The following GLB1L variants were observed in gnomAD, a reference collection of about 807,000 sequenced individuals.
GLB1L encodes the protein galactosidase beta 1 like, also known as beta-galactosidase-1-like protein.
GLB1L carries 58 observed loss-of-function variants against 75.7 expected under a neutral mutation model. The ratio of observed to expected loss-of-function variants is 0.77; its 90% CI spans 0.62 to 0.95. GLB1L has a LOEUF of 0.95. Ranked by LOEUF, GLB1L falls within the 40% of genes least tolerant of loss-of-function variation. The pLI, the probability that GLB1L is intolerant of heterozygous loss-of-function variation, is 0.00. For missense variants in GLB1L, 797 were observed against 805.5 expected (o/e 0.99, Z 0.13); for synonymous variants, 296 against 303.0 (o/e 0.98, Z 0.24).
At position 219,243,139 on chromosome 2, in the gene GLB1L, ACTT is replaced by A; in HGVS notation, c.239+6_239+8del. 7 of 1,586,608 alleles carry A rather than the reference ACTT, an allele frequency of 4.4e-6. No homozygotes were observed. Among genetic ancestry groups the A allele is most frequent in the Non-Finnish European group, 5.2e-6 (6 of 1,164,620 alleles). On this transcript the variant is annotated splice_donor_region_variant and intron_variant, in intron 3 of 16. Transcript: ENST00000295759. ...CCATCCCTCCGCGGCTCTTGCGAGC[ACTT>A]CTTACAACTGTATGGCGTTGAGGCC... is the stretch of plus-strand genomic sequence containing the variant.
In GLB1L at chr2:219,237,883, A is replaced by G; in HGVS notation, c.1416T>C (p.Asp472=). Reference sequence around the variant, plus strand: ...GCCTCCCCATGTTCTCCACCAAGATATCCAGTTTGGACCCCAGTTTCCCCG... The same window carrying G: ...GCCTCCCCATGTTCTCCACCAAGATGTCCAGTTTGGACCCCAGTTTCCCCG... The part of the protein sequence containing the change: ...FLTGKLGSKL[D]ILVENMGRLS... The change falls in exon 15 of 17, where the codon GAT becomes GAC. Residue 472 remains aspartate, a synonymous_variant. Coordinates refer to ENST00000295759, the MANE Select transcript of GLB1L (RefSeq NM_001286423.2). 1 of 1,614,200 alleles carries G rather than the reference A, an allele frequency of 6.2e-7. No homozygotes were observed. The highest frequency in any genetic ancestry group is 8.5e-7 in the Non-Finnish European group (1 of 1,180,022).
Position 219,241,496 on chromosome 2 carries a change from C to CGA in GLB1L, c.451+1016_451+1017dup, listed in dbSNP as rs544342913. Among the ~76,000 whole-genome samples, 3 of 96,544 alleles carry CGA rather than the reference C, an allele frequency of 3.1e-5. No homozygotes were observed. In the South Asian group the frequency reaches 1.0e-3, roughly 32 times the overall value. The allele number at this position is 96,544 out of a possible 152,430, so 63.3% of individuals were successfully genotyped here. A position where few individuals can be genotyped will look rare whatever the true frequency, so the allele number is the denominator to read the frequency against. Reference sequence around the variant, plus strand: ...CATATATATGTATGTATAGAGAGAGCGAGAGAGAGACCAGGAAGGCCTCAC... The same window carrying CGA: ...CATATATATGTATGTATAGAGAGAGCGAGAGAGAGAGACCAGGAAGGCCTCAC... On this transcript the variant is annotated intron_variant, in intron 5 of 16. Transcript: ENST00000295759.
At position 219,238,732 on chromosome 2, in the gene GLB1L, C is replaced by G. The variant is rs1951315708; in HGVS notation, c.1110G>C (p.Met370Ile). 6.2e-7 allele frequency: 1 copy of G among 1,614,046 alleles called. No homozygotes were observed. The highest frequency in any genetic ancestry group is 8.5e-7 in the Non-Finnish European group (1 of 1,179,964). The change falls in exon 12 of 17, where the codon ATG becomes ATC. Residue 370 changes from methionine to isoleucine, a missense_variant. Met to Ile is a conservative substitution (Grantham distance 10). Transcript: ENST00000295759. The stretch of plus-strand genomic sequence containing the variant: ...GGTGCAGAGTCACAGGTCCAAGCAT[C>G]ATCTTGGGGCTCGGGGGAGGTAAAG... The part of the protein sequence containing the change: ...LGPLPPPSPK[M>I]MLGPVTLHLV...
In GLB1L at chr2:219,240,470, G is replaced by T. The variant is rs540598485; in HGVS notation, c.452-185C>A. Among the ~76,000 whole-genome samples, 88 of 152,268 alleles carry T rather than the reference G, an allele frequency of 5.8e-4. 1 individual carries two copies. The highest frequency in any genetic ancestry group is 1.1e-3 in the Non-Finnish European group (74 of 68,042). ...TTTCTTAAAAACAAATGGGCCGGGC[G>T]TGGCGGCTCACGCCTGTAATCCCAG... On this transcript the variant is annotated intron_variant, in intron 5 of 16. Coordinates refer to ENST00000295759, the MANE Select transcript of GLB1L (RefSeq NM_001286423.2).
chr2:219,240,508 C>T (rs962731097), intron 5 of GLB1L, among the ~76,000 whole-genome samples: 3 of 152,120 alleles, frequency 2.0e-5, no homozygotes, highest in Admixed American at 6.5e-5. Flanking sequence ...CTTTGGGAGG[C>T]GGAGGCAGGC....
At chr2:219,242,707 T>C in intron 4 of GLB1L, 61 bp downstream of exon 4, 1 of 1,591,504 alleles carries the variant, frequency 6.3e-7, no homozygotes, top group Non-Finnish European at 8.6e-7. Context: ...TGTGGGCAGA[T>C]GGGAGTAGTC....
chr2:219,239,888 C>T (rs778620160), intron 7 of GLB1L, 32 bp downstream of exon 7: 12 of 1,613,990 alleles, frequency 7.4e-6, no homozygotes, highest in Admixed American at 6.7e-5. Flanking sequence ...GTGTCCTTTC[C>T]CCAGACTCCA....
At chr2:219,238,116 A>C (rs1343539633) in intron 14 of GLB1L, 134 bp downstream of exon 14, 1 of 1,017,952 alleles carries the variant, frequency 9.8e-7, no homozygotes, top group East Asian at 2.4e-5. Context: ...ACTCTTCCTC[A>C]TCCCAGCTTA....
Position 219,243,148 on chromosome 2 carries a change from A to T in GLB1L, c.239T>A (p.Phe80Tyr), listed in dbSNP as rs1344813568. The T allele has an allele frequency of 2.5e-6, 4 of 1,604,396 alleles. No individual in the cohort carries two copies. The Admixed American group carries it at 6.9e-5, about 28-fold the overall frequency. Residue 80 changes from phenylalanine to tyrosine, a missense_variant and splice_region_variant, in exon 3 of 17, where the codon TTT (phenylalanine) becomes TAT (tyrosine). Transcript: ENST00000295759. ...CGCGGCTCTTGCGAGCACTTCTTACAACTGTATGGCGTTGAGGCCGCTCCA... is the reference window on the plus strand; with the variant it reads ...CGCGGCTCTTGCGAGCACTTCTTACTACTGTATGGCGTTGAGGCCGCTCCA... ...MRWSGLNAIQ[F>Y]YVPWNYHEPQ...
At chr2:219,240,647 G>A (rs1051618677) in intron 5 of GLB1L, among the ~76,000 whole-genome samples, 1 of 152,226 alleles carries the variant, frequency 6.6e-6, no homozygotes, top group African/African-American at 2.4e-5. Flanking sequence ...AGGAGGCTGA[G>A]ACAGGAGAAT....
In GLB1L at chr2:219,237,976, A is replaced by T; in HGVS notation, c.1342-19T>A. 6.2e-7 allele frequency: 1 copy of T among 1,613,694 alleles called. No homozygotes were observed. The highest frequency in any genetic ancestry group is 8.5e-7 in the Non-Finnish European group (1 of 1,179,712). On this transcript the variant is annotated intron_variant, in intron 14 of 16. Transcript: ENST00000295759. ...GGAACACCTGTGGATAGGAGATAGG[A>T]TAGGAGCAAGGCTCAGCATCTAGCT...
At chr2:219,243,685 C>T in intron 1 of GLB1L, 42 bp from the exon 2 acceptor site, 2 of 1,044,398 alleles carry the variant, frequency 1.9e-6, no homozygotes, top group Non-Finnish European at 1.5e-6. Flanking sequence ...AGTTGCCAGG[C>T]GTTTAGCCTG....
In GLB1L at chr2:219,236,760, CTTTTTTTTTT is replaced by C. The variant is rs5838728; in HGVS notation, c.*302_*311del. On this transcript the variant is annotated 3_prime_UTR_variant, in exon 17 of 17. Transcript: ENST00000295759. ...CTCCATGTCCCAGGTCCAAGGGTTACTTTTTTTTTTTTTTTTTTTTTTGAGATGGAGTGTC... is the reference window on the plus strand; with the variant it reads ...CTCCATGTCCCAGGTCCAAGGGTTACTTTTTTTTTTTTGAGATGGAGTGTC... 5 of 125,748 alleles carry C rather than the reference CTTTTTTTTTT, an allele frequency of 4.0e-5. No homozygotes were observed. The highest frequency in any genetic ancestry group is 1.8e-4 in the South Asian group (1 of 5,556). 7.8% of individuals were successfully genotyped at this position (125,748 alleles called of 1,614,324 possible). A position where few individuals can be genotyped will look rare whatever the true frequency, so the allele number is the denominator to read the frequency against.
Position 219,243,257 on chromosome 2 carries a change from C to A in GLB1L, c.130G>T (p.Ala44Ser), listed in dbSNP as rs764277157. 6 of 1,613,786 alleles carry A rather than the reference C, an allele frequency of 3.7e-6. No individual in the cohort carries two copies. In the East Asian group the frequency reaches 1.3e-4, roughly 36 times the overall value. Residue 44 changes from alanine to serine, a missense_variant, in exon 3 of 17, where the codon GCC (alanine) becomes TCC (serine). Transcript: ENST00000295759. ...CTGCCAGACACATAGCGGAACGGGG[C>A]CCCGTCTAGGAGAAACCGGTCATGA... ...RGHDRFLLDG[A>S]PFRYVSGSLH... is the part of the protein sequence containing the mutation.
chr2:219,242,224 G>C (rs1246614814), intron 5 of GLB1L, among the ~76,000 whole-genome samples: 2 of 151,542 alleles, frequency 1.3e-5, no homozygotes, highest in Non-Finnish European at 2.9e-5. Context: ...CCTGACCTCA[G>C]GTCATGCACC....
intron 8 of GLB1L, 25 bp downstream of exon 8, chr2:219,239,750 C>T (rs1236258342): frequency 3.1e-6 from 5 of 1,614,174 alleles, no homozygotes; most frequent in Non-Finnish European, 4.2e-6. Context: ...ATCCCTGATT[C>T]CCTGACTCCT....
At chr2:219,241,432 G>GTATATATATA (rs1215197601) in intron 5 of GLB1L, among the ~76,000 whole-genome samples, 13 of 68,866 alleles carry the variant, frequency 1.9e-4, no homozygotes, top group Admixed American at 3.5e-4. Flanking sequence ...GTGTGTGTGT[G>GTATATATATA]TGTGTGTGTG....
In GLB1L at chr2:219,236,966, A is replaced by G; in HGVS notation, c.*106T>C. 2 of 778,568 alleles carry G rather than the reference A, an allele frequency of 2.6e-6. No homozygotes were observed. The highest frequency in any genetic ancestry group is 1.7e-5 in the South Asian group (1 of 57,502). 48.2% of individuals were successfully genotyped at this position (778,568 alleles called of 1,614,324 possible). ...TTTTTAGTGGAGACGGGGTTTCACC[A>G]TGTTGGCCAGGCTGGTCTTGAAGTC... On this transcript the variant is annotated 3_prime_UTR_variant, in exon 17 of 17. Transcript: ENST00000295759.
At chr2:219,240,835 C>T (rs2125056259) in intron 5 of GLB1L, among the ~76,000 whole-genome samples, 1 of 152,248 alleles carries the variant, frequency 6.6e-6, no homozygotes, top group Non-Finnish European at 1.5e-5. Flanking sequence ...AATCCCAGCA[C>T]TTTCTGAGGC....
Sources: gnomAD v4.1 joint callset for allele counts (sites outside exome capture counted in the v4.1 genomes callset) on GRCh38, gnomAD v4.1.1 for gene constraint, MANE v1.5 for transcripts, NCBI Gene and HGNC (gene_info 2026-07-23, HGNC 2026-07-21) for gene names.